The following ACSM2A variants were observed in gnomAD, a reference collection of about 807,000 sequenced individuals.
ACSM2A encodes acyl-coenzyme A synthetase ACSM2A, mitochondrial.
In ACSM2A, 72 loss-of-function variants were observed where a neutral mutation model predicts 76.6. The observed-to-expected ratio is 0.94, with a 90% CI of 0.78 to 1.14. ACSM2A has a LOEUF of 1.14. Ranked by LOEUF, ACSM2A falls within the 50% of genes most tolerant of loss-of-function variation. ACSM2A has a pLI of 0.00. For missense variants in ACSM2A, 684 were observed against 708.5 expected (o/e 0.97, Z 0.39); for synonymous variants, 249 against 255.9 (o/e 0.97, Z 0.26).
At chr16:20,473,672 C>T (rs2013552042) in intron 6 of ACSM2A, among the ~76,000 whole-genome samples, 2 of 152,242 alleles carry the variant, frequency 1.3e-5, no homozygotes, top group African/African-American at 4.8e-5. Context: ...CCTAAGGCCC[C>T]ATCCCGCCAG....
intron 3 of ACSM2A, among the ~76,000 whole-genome samples, chr16:20,466,201 C>A (rs547258865): frequency 1.3e-5 from 2 of 152,126 alleles, no homozygotes; most frequent in South Asian, 4.2e-4. Flanking sequence ...AGTGTCTTAT[C>A]CACAAAACCT....
At chr16:20,484,600 A>G (rs1285780001) in intron 13 of ACSM2A, among the ~76,000 whole-genome samples, 1 of 138,760 alleles carries the variant, frequency 7.2e-6, no homozygotes, top group Non-Finnish European at 1.5e-5. Context: ...CCCCTGGGGG[A>G]AGGGAGAGGA....
At position 20,484,555 on chromosome 16, in the gene ACSM2A, C is replaced by T. The variant is rs376251599; in HGVS notation, c.1629+1378C>T. 8.3e-4 allele frequency among the ~76,000 whole-genome samples: 113 copies of T among 135,622 alleles called. 2 individuals carry two copies. The South Asian group carries it at 0.013, about 16-fold the overall frequency. The allele number at this position is 135,622 out of a possible 152,430, so 89.0% of individuals were successfully genotyped here. A position where few individuals can be genotyped will look rare whatever the true frequency, so the allele number is the denominator to read the frequency against. On this transcript the variant is annotated intron_variant, in intron 13 of 13. Coordinates refer to ENST00000573854, the MANE Select transcript of ACSM2A (RefSeq NM_001308172.2). ...CAGGCCATGGGGAAAGAGGTTACCACGCAAGAGGCTTATTAGGGAGTGTTT... is the reference window on the plus strand; with the variant it reads ...CAGGCCATGGGGAAAGAGGTTACCATGCAAGAGGCTTATTAGGGAGTGTTT...
chr16:20,460,442 A>G lies in ACSM2A; in HGVS notation c.177+151A>G, dbSNP rs924230642. The stretch of plus-strand genomic sequence containing the variant: ...GACACTCGTCTTCCATGAAGGCAGT[A>G]TGGTATGGGAGAGAGACAGCATGAG... On this transcript the variant is annotated intron_variant, in intron 2 of 13. Transcript: ENST00000573854. The G allele has an allele frequency of 4.2e-5, 62 of 1,462,100 alleles. No homozygotes were observed. In the Admixed American group the frequency reaches 1.0e-3, roughly 24 times the overall value. 90.6% of individuals were successfully genotyped at this position (1,462,100 alleles called of 1,614,324 possible).
chr16:20,451,602 G>A lies in ACSM2A; in HGVS notation c.-88G>A, dbSNP rs79865622. 0.36 allele frequency: 53,605 copies of A among 150,556 alleles called. 9,968 individuals are homozygous for A. The highest frequency in any genetic ancestry group is 0.77 in the East Asian group (3,921 of 5,070). 9.3% of individuals were successfully genotyped at this position (150,556 alleles called of 1,614,324 possible). On this transcript the variant is annotated 5_prime_UTR_variant, in exon 1 of 14. Transcript: ENST00000573854. Reference sequence around the variant, plus strand: ...AGTTACTGTGCTCTCTTCCAAGGCTGTAGGAGTTCTGGAGCTGCTGGCTGG... The same window carrying A: ...AGTTACTGTGCTCTCTTCCAAGGCTATAGGAGTTCTGGAGCTGCTGGCTGG...
chr16:20,482,826 G>T, intron 12 of ACSM2A: 1 of 453,454 alleles, frequency 2.2e-6, no homozygotes. Context: ...ATTGGAGTAT[G>T]AGGTGAGCCT....
intron 2 of ACSM2A, 43 bp downstream of exon 2, chr16:20,460,334 G>A: frequency 6.2e-7 from 1 of 1,605,260 alleles, no homozygotes; most frequent in East Asian, 2.2e-5. Context: ...CAATTTTGTT[G>A]ACTTTTAAAA....
At chr16:20,480,541 G>T (rs761059419) in intron 10 of ACSM2A, 32 bp from the exon 11 acceptor site, 109 of 1,603,812 alleles carry the variant, frequency 6.8e-5, no homozygotes, top group Non-Finnish European at 8.9e-5. Flanking sequence ...GGCTTTGCAG[G>T]CACAATGACT....
intron 12 of ACSM2A, 53 bp from the exon 13 acceptor site, chr16:20,483,005 G>A (rs771895292): frequency 6.3e-7 from 1 of 1,594,650 alleles, no homozygotes; most frequent in Non-Finnish European, 8.6e-7. Context: ...CATTATTCCA[G>A]GAGATGACTA....
rs751407168 is a variant in ACSM2A, at chr16:20,471,597, A to G, written c.802A>G (p.Asn268Asp). The change falls in exon 6 of 14, where the codon AAC becomes GAC. Residue 268 changes from asparagine to aspartate, a missense_variant. By Grantham distance (23) the Asn-to-Asp change is conservative. This residue lies in a region of ACSM2A where 519 missense variants were observed against 549.5 expected (regional missense o/e 0.94). Coordinates refer to ENST00000573854, the MANE Select transcript of ACSM2A (RefSeq NM_001308172.2). ...WTISDTGWIL[N>D]ILCSLMEPWA... ...CATATCAGACACAGGTTGGATACTG[A>G]ACATCTTGTGCTCACTTATGGAACC... The G allele has an allele frequency of 9.3e-6, 15 of 1,614,054 alleles. No individual in the cohort carries two copies. The highest frequency in any genetic ancestry group is 1.1e-5 in the Non-Finnish European group (13 of 1,179,944).
intron 4 of ACSM2A, among the ~76,000 whole-genome samples, chr16:20,470,099 G>A (rs2013292610): frequency 6.6e-6 from 1 of 152,108 alleles, no homozygotes; most frequent in Admixed American, 6.5e-5. Flanking sequence ...GTGGCTCAGA[G>A]TTCCATGCTA....
At chr16:20,458,795 T>C (rs1596641052) in intron 1 of ACSM2A, among the ~76,000 whole-genome samples, 1 of 142,372 alleles carries the variant, frequency 7.0e-6, no homozygotes, top group Non-Finnish European at 1.5e-5. Context: ...GTATATTACA[T>C]ATATATAATA....
intron 7 of ACSM2A, 91 bp from the exon 8 acceptor site, chr16:20,475,559 G>A: frequency 1.9e-6 from 3 of 1,605,336 alleles, no homozygotes; most frequent in East Asian, 4.5e-5. Flanking sequence ...GAAGCCATTT[G>A]CATCATCAAA....
At chr16:20,463,444 G>A (rs937165777) in intron 2 of ACSM2A, among the ~76,000 whole-genome samples, 1 of 151,556 alleles carries the variant, frequency 6.6e-6, no homozygotes, top group Non-Finnish European at 1.5e-5. Context: ...GGTCCCACAC[G>A]AATGACTTAG....
Position 20,480,587 on chromosome 16 carries a change from G to A in ACSM2A, c.1296G>A (p.Lys432=). 6.2e-7 allele frequency: 1 copy of A among 1,613,872 alleles called. No individual in the cohort carries two copies. Among genetic ancestry groups the A allele is most frequent in the Non-Finnish European group, 8.5e-7 (1 of 1,179,814 alleles). The change falls in exon 11 of 14, where the codon AAG becomes AAA. Residue 432 remains lysine, a synonymous_variant. Transcript: ENST00000573854. The part of the protein sequence containing the change: ...IFSGYVDNPD[K]TAANIRGDFW... ...GTGGTCACCAGGACAATCCCGACAA[G>A]ACAGCAGCCAACATTCGAGGAGACT...
chr16:20,476,147 A>T (rs1227449175), intron 8 of ACSM2A: 1 of 1,076,350 alleles, frequency 9.3e-7, no homozygotes, highest in African/African-American at 1.7e-5. Context: ...GCAGAGACCA[A>T]AGTTTATCAA....
intron 1 of ACSM2A, among the ~76,000 whole-genome samples, chr16:20,456,890 T>A: frequency 7.0e-6 from 1 of 143,434 alleles, no homozygotes; most frequent in Admixed American, 7.1e-5. Context: ...ATAAGATTGG[T>A]AGACCATTAG....
Position 20,475,714 on chromosome 16 carries a change from G to C in ACSM2A, c.1039G>C (p.Glu347Gln). The C allele has an allele frequency of 1.9e-6, 3 of 1,614,006 alleles. No individual in the cohort carries two copies. The highest frequency in any genetic ancestry group is 1.7e-6 in the Non-Finnish European group (2 of 1,179,918). ...GGAGTCCCTTCTTCCAGAAACTCTG[G>C]AGAACTGGAGGGCCCAGACAGGACT... ...VGESLLPETLENWRAQTGLDI... is the reference protein window; with the variant it reads ...VGESLLPETLQNWRAQTGLDI... Residue 347 changes from glutamate to glutamine, a missense_variant, in exon 8 of 14, where the codon GAG becomes CAG. This residue lies in a region of ACSM2A where 519 missense variants were observed against 549.5 expected (regional missense o/e 0.94). Transcript: ENST00000573854.
chr16:20,465,641 G>A lies in ACSM2A; in HGVS notation c.302G>A (p.Cys101Tyr), dbSNP rs540103440. ...GCAGCCAACGTCCTCTCGGGAGCCT[G>A]TGGCCTGCAGCGTGGGGATCGTGTG... ...QQAANVLSGA[C>Y]GLQRGDRVAV... Residue 101 changes from cysteine (C) to tyrosine (Y), a missense_variant, in exon 3 of 14, where the codon TGT becomes TAT. Coordinates refer to ENST00000573854, the MANE Select transcript of ACSM2A (RefSeq NM_001308172.2). The A allele has an allele frequency of 3.1e-6, 5 of 1,614,024 alleles. No individual in the cohort carries two copies. The South Asian group carries it at 5.5e-5, about 18-fold the overall frequency.
Sources: allele counts gnomAD v4.1 joint callset (sites outside exome capture counted in the v4.1 genomes callset), GRCh38; gene constraint gnomAD v4.1.1; regional missense constraint gnomAD v4.1.1; transcripts MANE v1.5; gene names NCBI Gene and HGNC (gene_info 2026-07-23, HGNC 2026-07-21).